CDH9: variants seen among roughly 807,000 people sequenced by gnomAD.
CDH9 encodes the protein cadherin 9, also known as cadherin-9.
A neutral mutation model predicts 70.9 loss-of-function variants in CDH9; 28 were observed. The observed-to-expected ratio is 0.40, with a 90% confidence interval of 0.29 to 0.54. The LOEUF (loss-of-function observed/expected upper bound fraction) is 0.54. Ranked by LOEUF, CDH9 falls within the 20% of genes least tolerant of loss-of-function variation. CDH9 has a pLI of 0.59. For synonymous variants in CDH9, 409 were observed against 343.1 expected, an observed-to-expected ratio of 1.19 and a Z score of -2.12; for missense variants, 874 against 984.4, an observed-to-expected ratio of 0.89 and a Z score of 1.50.
Position 26,988,160 on chromosome 5 carries a change from A to C in CDH9, c.174T>G (p.Asn58Lys). ...LRRTKRGWMW[N>K]QFFLLEEYTG... ...TGTACTCTTCCAATAAGAAGAACTG[A>C]TTCCACATCCAGCCACGCTTGGTGC... Residue 58 changes from asparagine (N) to lysine (K), a missense_variant, in exon 2 of 12, where the codon AAT (asparagine) becomes AAG (lysine). Transcript: ENST00000231021. 6.2e-7 allele frequency: 1 copy of C among 1,613,356 alleles called. No homozygotes were observed. Among genetic ancestry groups the C allele is most frequent in the Non-Finnish European group, 8.5e-7 (1 of 1,179,614 alleles).
intron 2 of CDH9, among the ~76,000 whole-genome samples, chr5:26,916,783 C>T (rs1741157383): frequency 6.6e-6 from 1 of 151,906 alleles, no homozygotes; most frequent in South Asian, 2.1e-4. Context: ...TTTGTAATTA[C>T]TTATTTTCTA....
chr5:27,036,821 TC>T (rs1743401768), intron 1 of CDH9, among the ~76,000 whole-genome samples: 1 of 151,972 alleles, frequency 6.6e-6, no homozygotes, highest in African/African-American at 2.4e-5. Context: ...TATCTACTCC[TC>T]ATTTGGAAAA....
chr5:26,915,841 A>T lies in CDH9; in HGVS notation c.312T>A (p.Asp104Glu), dbSNP rs955542074. The change falls in exon 3 of 12, where the codon GAT becomes GAA. Residue 104 changes from aspartate to glutamate, a missense_variant. Asp to Glu is a conservative substitution (Grantham distance 45, BLOSUM62 2). Transcript: ENST00000231021. The part of the protein sequence containing the change: ...GDGAGSLFVI[D>E]ENTGDIHAAK... ...CAGCATGAATGTCTCCTGTATTTTC[A>T]TCTATAACAAATAGACTGCCAGCCC... 6.2e-7 allele frequency: 1 copy of T among 1,612,538 alleles called. No homozygotes were observed. The highest frequency in any genetic ancestry group is 1.3e-5 in the African/African-American group (1 of 74,874).
rs754886766 is a variant in CDH9 at position 26,890,530 on chromosome 5, T to C, written c.1288A>G (p.Ile430Val). 2 of 1,607,814 alleles carry C rather than the reference T, an allele frequency of 1.2e-6. No individual in the cohort carries two copies. Among genetic ancestry groups the C allele is most frequent in the African/African-American group, 1.3e-5 (1 of 74,866 alleles). ...CCATTTTCTGAGTGAATACCAAAAA[T>C]ACGGTCCATATCAGTATGCCGATCA... ...SVDRHTDMDR[I>V]FGIHSENGSI... The change falls in exon 8 of 12, where the codon ATT becomes GTT. Residue 430 changes from isoleucine to valine, a missense_variant. By Grantham distance (29) the Ile-to-Val change is conservative. Transcript: ENST00000231021.
At chr5:26,908,219 G>A (rs927984655) in intron 3 of CDH9, among the ~76,000 whole-genome samples, 1 of 152,070 alleles carries the variant, frequency 6.6e-6, no homozygotes, top group Non-Finnish European at 1.5e-5. Flanking sequence ...CATTCCAGCT[G>A]TAAGCTTTTA....
chr5:26,905,853 T>C (rs181166464), intron 5 of CDH9, 106 bp downstream of exon 5: 3 of 794,776 alleles, frequency 3.8e-6, no homozygotes, highest in African/African-American at 3.5e-5. Context: ...TTTTTCTTTA[T>C]GCATAAACCA....
chr5:26,907,070 AG>A (rs1561190728), intron 3 of CDH9, among the ~76,000 whole-genome samples: 1 of 152,298 alleles, frequency 6.6e-6, no homozygotes, highest in Non-Finnish European at 1.5e-5. Flanking sequence ...ATATATTATC[AG>A]TAAGGTGAAT....
At chr5:26,923,069 T>TAAAAAAAAAAA (rs56883597) in intron 2 of CDH9, among the ~76,000 whole-genome samples, 11 of 95,042 alleles carry the variant, frequency 1.2e-4, no homozygotes, top group Non-Finnish European at 1.3e-4. Flanking sequence ...TTACATGAAT[T>TAAAAAAAAAAA]AAAAAAAAAA....
intron 3 of CDH9, among the ~76,000 whole-genome samples, chr5:26,910,662 T>G (rs549681195): frequency 6.6e-6 from 1 of 152,196 alleles, no homozygotes; most frequent in East Asian, 1.9e-4. Flanking sequence ...ATGGGCTTTT[T>G]CCTGCCCTGT....
chr5:27,019,103 G>T (rs558014387), intron 1 of CDH9, among the ~76,000 whole-genome samples: 94 of 152,052 alleles, frequency 6.2e-4, no homozygotes, highest in African/African-American at 1.9e-3. Context: ...AAAAAAAGTA[G>T]TAACAGGTGA....
At chr5:26,883,245 T>A (rs911919431) in intron 11 of CDH9, among the ~76,000 whole-genome samples, 1 of 151,118 alleles carries the variant, frequency 6.6e-6, no homozygotes, top group Non-Finnish European at 1.5e-5. Context: ...AATAAATTTA[T>A]AAGTTCTCCA....
At chr5:26,946,888 G>C (rs1406261259) in intron 2 of CDH9, among the ~76,000 whole-genome samples, 1 of 152,110 alleles carries the variant, frequency 6.6e-6, no homozygotes, top group Non-Finnish European at 1.5e-5. Flanking sequence ...GAAAACTCTA[G>C]ATAAATACCA....
At chr5:26,925,930 T>C (rs990922678) in intron 2 of CDH9, among the ~76,000 whole-genome samples, 4 of 152,146 alleles carry the variant, frequency 2.6e-5, no homozygotes, top group African/African-American at 9.7e-5. Flanking sequence ...TAGGTATTGA[T>C]GGAACGTATC....
At chr5:27,020,749 A>ACAC (rs1743125473) in intron 1 of CDH9, among the ~76,000 whole-genome samples, 4 of 141,686 alleles carry the variant, frequency 2.8e-5, no homozygotes, top group African/African-American at 1.1e-4. Flanking sequence ...CACACACACT[A>ACAC]TATATATATA....
chr5:27,009,616 T>C (rs149433945), intron 1 of CDH9, among the ~76,000 whole-genome samples: 10 of 152,238 alleles, frequency 6.6e-5, no homozygotes, highest in Admixed American at 3.3e-4. Context: ...CAATGGATAC[T>C]ATATATACAC....
At chr5:27,021,181 G>A (rs1360687310) in intron 1 of CDH9, among the ~76,000 whole-genome samples, 1 of 151,802 alleles carries the variant, frequency 6.6e-6, no homozygotes, top group Non-Finnish European at 1.5e-5. Context: ...AAAAGAGGGA[G>A]CTAAAGCATT....
intron 1 of CDH9, among the ~76,000 whole-genome samples, chr5:26,990,491 G>T (rs1742562572): frequency 6.6e-6 from 1 of 152,028 alleles, no homozygotes; most frequent in African/African-American, 2.4e-5. Flanking sequence ...TTATCATCAG[G>T]ACTTTATGTG....
At chr5:26,886,106 A>C in intron 9 of CDH9, 23 bp from the exon 10 acceptor site, 1 of 1,579,806 alleles carries the variant, frequency 6.3e-7, no homozygotes, top group Non-Finnish European at 8.6e-7. Flanking sequence ...TTAATTAATT[A>C]ATTAATTAAG....
At chr5:27,005,134 TA>T (rs1272083320) in intron 1 of CDH9, among the ~76,000 whole-genome samples, 1 of 152,152 alleles carries the variant, frequency 6.6e-6, no homozygotes, top group Non-Finnish European at 1.5e-5. Flanking sequence ...AATAAATCTT[TA>T]AGTATTATTA....
Sources: allele counts gnomAD v4.1 joint callset (sites outside exome capture counted in the v4.1 genomes callset), GRCh38; gene constraint gnomAD v4.1.1; transcripts MANE v1.5; gene names NCBI Gene and HGNC (gene_info 2026-07-23, HGNC 2026-07-21).